The following PATJ variants were observed in gnomAD, a reference collection of about 807,000 sequenced individuals.
PATJ encodes the protein PATJ crumbs cell polarity complex component, also known as inaD-like protein.
Under a neutral mutation model 224.9 loss-of-function variants are expected in PATJ, and 190 were observed. That is an observed-to-expected ratio of 0.84 (90% CI 0.75 to 0.95). The LOEUF (loss-of-function observed/expected upper bound fraction) is 0.95. Among genes scored for constraint, PATJ ranks in the 40% least tolerant of loss-of-function variants. The pLI, the probability that PATJ is intolerant of heterozygous loss-of-function variation, is 0.00. For missense variants in PATJ, 2,121 were observed against 2,270.3 expected (o/e 0.93, Z 1.34); for synonymous variants, 769 against 820.3 (o/e 0.94, Z 1.07).
chr1:62,024,276 A>T (rs555910231), intron 29 of PATJ, among the ~76,000 whole-genome samples: 1 of 151,982 alleles, frequency 6.6e-6, no homozygotes, highest in Non-Finnish European at 1.5e-5. Context: ...TAAGATTGGT[A>T]TCAGTTCTTC....
intron 28 of PATJ, among the ~76,000 whole-genome samples, chr1:62,002,521 A>T (rs1645837282): frequency 6.6e-6 from 1 of 152,148 alleles, no homozygotes; most frequent in Admixed American, 6.5e-5. Flanking sequence ...AGCCTGGCCA[A>T]CATAGTGAAA....
chr1:61,795,743 C>T (rs993504167), intron 10 of PATJ, among the ~76,000 whole-genome samples, 185 bp downstream of exon 10: 10 of 151,768 alleles, frequency 6.6e-5, no homozygotes, highest in African/African-American at 1.7e-4. Context: ...TTTTTTTCAC[C>T]GTCAGTGAAG....
intron 27 of PATJ, among the ~76,000 whole-genome samples, chr1:61,977,365 C>T (rs1427551538): frequency 1.3e-5 from 2 of 152,096 alleles, no homozygotes; most frequent in African/African-American, 2.4e-5. Context: ...ACTGGGATTA[C>T]AGGCGTGAGC....
chr1:61,978,227 C>CCTTCCTT (rs1557979101), intron 27 of PATJ, among the ~76,000 whole-genome samples: 70 of 119,182 alleles, frequency 5.9e-4, no homozygotes, highest in African/African-American at 2.2e-3. Context: ...CTTCCTTCCT[C>CCTTCCTT]CCTCCCTCCC....
intron 16 of PATJ, among the ~76,000 whole-genome samples, chr1:61,829,900 T>C (rs1348807008): frequency 6.6e-6 from 1 of 152,242 alleles, no homozygotes; most frequent in African/African-American, 2.4e-5. Context: ...TTGGAAGATA[T>C]AAGTGTTTTC....
chr1:61,743,435 T>G (rs557951237), intron 1 of PATJ, among the ~76,000 whole-genome samples: 1 of 152,282 alleles, frequency 6.6e-6, no homozygotes, highest in South Asian at 2.1e-4. Flanking sequence ...GCCTCTGCCA[T>G]TTAGAGGGTG....
chr1:61,837,031 T>C (rs916006489), intron 17 of PATJ, among the ~76,000 whole-genome samples: 32 of 152,252 alleles, frequency 2.1e-4, no homozygotes, highest in African/African-American at 7.0e-4. Flanking sequence ...ACCACTTTTC[T>C]CATGAACAGC....
intron 41 of PATJ, 94 bp from the exon 42 acceptor site, chr1:62,148,190 G>T: frequency 3.1e-6 from 2 of 649,280 alleles, no homozygotes; most frequent in Non-Finnish European, 5.7e-6. Context: ...AATTGAATAA[G>T]ATTAGGATTG....
At chr1:61,788,567 C>T (rs1227232993) in intron 8 of PATJ, among the ~76,000 whole-genome samples, 3 of 152,196 alleles carry the variant, frequency 2.0e-5, no homozygotes, top group Admixed American at 6.5e-5. Context: ...TCACATCTTT[C>T]TGGTCCATTC....
chr1:61,976,968 A>C (rs1027983628), intron 27 of PATJ, among the ~76,000 whole-genome samples: 2 of 151,940 alleles, frequency 1.3e-5, no homozygotes, highest in Non-Finnish European at 2.9e-5. Flanking sequence ...TAACATCATA[A>C]TTTTTTGGTT....
chr1:62,017,363 G>A (rs572926146), intron 28 of PATJ, among the ~76,000 whole-genome samples: 8 of 148,706 alleles, frequency 5.4e-5, no homozygotes, highest in African/African-American at 1.5e-4. Flanking sequence ...GCAGTGAGCC[G>A]AGATCATGCC....
rs748341257 is a variant in PATJ, at chr1:61,775,192, C to G, written c.721-14C>G. 6.2e-7 allele frequency: 1 copy of G among 1,601,796 alleles called. No homozygotes were observed. Among genetic ancestry groups the G allele is most frequent in the Admixed American group, 1.8e-5 (1 of 56,892 alleles). On this transcript the variant is annotated splice_polypyrimidine_tract_variant and intron_variant, in intron 6 of 43. Transcript: ENST00000642238. ...TTACTGATACTGCGACTCTTATTTGCCATTAATTTGTAGGTTTGTTGGGGC... is the reference window on the plus strand; with the variant it reads ...TTACTGATACTGCGACTCTTATTTGGCATTAATTTGTAGGTTTGTTGGGGC...
intron 7 of PATJ, among the ~76,000 whole-genome samples, chr1:61,777,477 C>G (rs525523): frequency 6.6e-6 from 1 of 151,550 alleles, no homozygotes; most frequent in Admixed American, 6.6e-5. Flanking sequence ...TGCTTTGAGC[C>G]GAGATTGTGG....
chr1:62,002,323 G>A (rs1645823793), intron 28 of PATJ, among the ~76,000 whole-genome samples: 1 of 152,114 alleles, frequency 6.6e-6, no homozygotes, highest in Non-Finnish European at 1.5e-5. Context: ...ACTGGACTCT[G>A]GATGAGTTAT....
intron 21 of PATJ, among the ~76,000 whole-genome samples, chr1:61,876,440 T>C (rs1667343267): frequency 6.6e-6 from 1 of 152,082 alleles, no homozygotes; most frequent in South Asian, 2.1e-4. Context: ...GGAGAAGATT[T>C]ATAGCACAAA....
chr1:62,004,631 T>A (rs12069935), intron 28 of PATJ, among the ~76,000 whole-genome samples: 35 of 152,312 alleles, frequency 2.3e-4, no homozygotes, highest in African/African-American at 7.9e-4. Flanking sequence ...TTTCTCCATC[T>A]ATATAATGAC....
At chr1:62,104,293 A>G (rs1283815256) in intron 33 of PATJ, among the ~76,000 whole-genome samples, 6 of 152,212 alleles carry the variant, frequency 3.9e-5, no homozygotes, top group Non-Finnish European at 7.3e-5. Flanking sequence ...GTCTTTCATT[A>G]ATGACCTATT....
chr1:61,797,087 G>A (rs550058480), intron 10 of PATJ, among the ~76,000 whole-genome samples, 200 bp from the exon 11 acceptor site: 2 of 152,192 alleles, frequency 1.3e-5, no homozygotes, highest in East Asian at 1.9e-4. Flanking sequence ...GTCTGGTCTC[G>A]AACTCCTGAC....
intron 15 of PATJ, among the ~76,000 whole-genome samples, chr1:61,826,406 T>G (rs1279287506): frequency 1.8e-5 from 1 of 55,340 alleles, no homozygotes; most frequent in East Asian, 8.4e-4. Context: ...GAAATATCTT[T>G]AAAACAAATA....
Sources: gnomAD v4.1 joint callset for allele counts (sites outside exome capture counted in the v4.1 genomes callset) on GRCh38, gnomAD v4.1.1 for gene constraint, MANE v1.5 for transcripts, NCBI Gene and HGNC (gene_info 2026-07-23, HGNC 2026-07-21) for gene names.